FTCD: variants seen among roughly 807,000 people sequenced by gnomAD.
FTCD encodes formimidoyltransferase cyclodeaminase.
A neutral mutation model predicts 62.9 loss-of-function variants in FTCD; 76 were observed. That is an observed-to-expected ratio of 1.21 (90% CI 1.00 to 1.46). FTCD has a LOEUF of 1.46. FTCD is among the 40% of genes most tolerant of loss of function. FTCD has a pLI of 0.00. For missense variants in FTCD, 845 were observed against 751.3 expected (o/e 1.12, Z -1.46); for synonymous variants, 397 against 336.9 (o/e 1.18, Z -1.95).
In FTCD at chr21:46,139,148, G is replaced by A. The variant is rs73908555; in HGVS notation, c.1261-225C>T. 6.3e-3 allele frequency: 3,778 copies of A among 597,806 alleles called. 100 individuals carry two copies. The highest frequency in any genetic ancestry group is 0.059 in the African/African-American group (3,201 of 53,932). 37.0% of individuals were successfully genotyped at this position (597,806 alleles called of 1,614,324 possible). A position where few individuals can be genotyped will look rare whatever the true frequency, so the allele number is the denominator to read the frequency against. ...ACACAGCAGATGGTCAGAGACCCGG[G>A]GATGTGAGAAGCAGGTAGTTCCCTC... On this transcript the variant is annotated intron_variant, in intron 10 of 13. Coordinates refer to ENST00000397746, the MANE Select transcript of FTCD (RefSeq NM_206965.2).
chr21:46,136,491 G>A (rs1331570690), downstream of FTCD: 1 of 1,612,550 alleles, frequency 6.2e-7, no homozygotes, highest in Non-Finnish European at 8.5e-7. Flanking sequence ...TGTCCCTGGG[G>A]TTTCTGTCCC....
intron 7 of FTCD, among the ~76,000 whole-genome samples, 188 bp downstream of exon 7, chr21:46,149,931 T>C (rs1054709810): frequency 6.6e-6 from 1 of 151,924 alleles, no homozygotes; most frequent in African/African-American, 2.4e-5. Flanking sequence ...GAGCATATCA[T>C]AGGTCACAAA....
At chr21:46,136,777 G>C, downstream of FTCD, 1 of 1,515,360 alleles carries the variant, frequency 6.6e-7, no homozygotes, top group South Asian at 1.3e-5. Context: ...ACACAACACA[G>C]GTTTGGTGCC....
In FTCD at chr21:46,146,210, G is replaced by C. The variant is rs1000812210; in HGVS notation, c.968+56C>G. 12 of 1,275,180 alleles carry C rather than the reference G, an allele frequency of 9.4e-6. No homozygotes were observed. In the African/African-American group the frequency reaches 1.8e-4, roughly 19 times the overall value. The allele number at this position is 1,275,180 out of a possible 1,614,324, so 79.0% of individuals were successfully genotyped here. Reference sequence around the variant, plus strand: ...CGCAGGGACCCCAGCGCCCCGCAAGGCCCGAGAGGCAGAGCCCGGGAGGGG... The same window carrying C: ...CGCAGGGACCCCAGCGCCCCGCAAGCCCCGAGAGGCAGAGCCCGGGAGGGG... On this transcript the variant is annotated intron_variant, in intron 8 of 13. Transcript: ENST00000397746.
At position 46,137,832 on chromosome 21, in the gene FTCD, T is replaced by C. The variant is rs536494542; in HGVS notation, c.1444-498A>G. On this transcript the variant is annotated intron_variant, in intron 12 of 13. Coordinates refer to ENST00000397746, the MANE Select transcript of FTCD (RefSeq NM_206965.2). ...GAGAGACGCTCCTTCTCTGGGACCC[T>C]CTGCCCAGCTGTGGCCCCTGTCAGT... Among the ~76,000 whole-genome samples, 24 of 119,554 alleles carry C rather than the reference T, an allele frequency of 2.0e-4. No homozygotes were observed. The Admixed American group carries it at 2.5e-3, about 12-fold the overall frequency. 78.4% of individuals were successfully genotyped at this position (119,554 alleles called of 152,430 possible). A position where few individuals can be genotyped will look rare whatever the true frequency, so the allele number is the denominator to read the frequency against.
chr21:46,136,417 G>A (rs372395637), downstream of FTCD: 41 of 1,611,660 alleles, frequency 2.5e-5, no homozygotes, highest in African/African-American at 5.1e-4. Flanking sequence ...CTGTGGAACT[G>A]TCCAGACCTG....
rs1033001525 is a variant in FTCD, at chr21:46,145,574, G to A, written c.1103C>T (p.Ala368Val). 1.2e-5 allele frequency: 19 copies of A among 1,537,778 alleles called. No homozygotes were observed. The highest frequency in any genetic ancestry group is 9.9e-5 in the East Asian group (4 of 40,554). ...GAGGCCCACCATGGAGCCCAGCGCC[G>A]CACCCTGCGAGAGGGGTGGATGTGG... ...SVAAAAAAMG[A>V]ALGSMVGLMT... Residue 368 changes from alanine (A) to valine (V), a missense_variant, in exon 10 of 14, where the codon GCG becomes GTG. Coordinates refer to ENST00000397746, the MANE Select transcript of FTCD (RefSeq NM_206965.2).
chr21:46,141,835 G>A (rs536921595), intron 10 of FTCD, among the ~76,000 whole-genome samples: 49 of 152,334 alleles, frequency 3.2e-4, no homozygotes, highest in Non-Finnish European at 6.6e-4. Flanking sequence ...CTAAATGTAC[G>A]GAACATGCTT....
At chr21:46,145,072 G>A (rs2079108763) in intron 10 of FTCD, among the ~76,000 whole-genome samples, 1 of 152,136 alleles carries the variant, frequency 6.6e-6, no homozygotes, top group Non-Finnish European at 1.5e-5. Flanking sequence ...GGAATTGCAG[G>A]CTTCTAAAGA....
At chr21:46,138,999 G>A (rs1172238648) in intron 10 of FTCD, 76 bp from the exon 11 acceptor site, 21 of 1,116,530 alleles carry the variant, frequency 1.9e-5, no homozygotes, top group Non-Finnish European at 2.9e-5. Flanking sequence ...CCCACAAGGG[G>A]CTGTAGCAAG....
Position 46,137,012 on chromosome 21 carries a change from T to C in FTCD, c.1601A>G (p.Asp534Gly), listed in dbSNP as rs144456078. Residue 534 changes from aspartate (D) to glycine (G), a missense_variant, in exon 14 of 14, where the codon GAC becomes GGC. Asp to Gly is a moderately conservative substitution (Grantham distance 94). Coordinates refer to ENST00000397746, the MANE Select transcript of FTCD (RefSeq NM_206965.2). ...TCACTCCTGCCGGGTCTCCAAGCAGTCCAGCACCAGTGCAGCCTGGGTCTT... is the reference window on the plus strand; with the variant it reads ...TCACTCCTGCCGGGTCTCCAAGCAGCCCAGCACCAGTGCAGCCTGGGTCTT... ...EAKTQAALVLDCLETRQE is the reference protein window; with the variant it reads ...EAKTQAALVLGCLETRQE 18 of 1,613,414 alleles carry C rather than the reference T, an allele frequency of 1.1e-5. No homozygotes were observed. Among genetic ancestry groups the C allele is most frequent in the East Asian group, 1.1e-4 (5 of 44,862 alleles).
downstream of FTCD, chr21:46,136,710 T>C (rs2078874121): frequency 2.7e-6 from 4 of 1,474,324 alleles, no homozygotes; most frequent in Admixed American, 4.7e-5. Flanking sequence ...CCATATGTCC[T>C]GCTCCTGCCC....
Position 46,154,231 on chromosome 21 carries a change from C to T in FTCD, c.156G>A (p.Val52=), listed in dbSNP as rs554916464. 6.2e-7 allele frequency: 1 copy of T among 1,612,726 alleles called. No individual in the cohort carries two copies. Among genetic ancestry groups the T allele is most frequent in the African/African-American group, 1.3e-5 (1 of 74,948 alleles). The part of the protein sequence containing the change: ...PSTNRTVYTF[V]GPPECVVEGA... Reference sequence around the variant, plus strand: ...CCTCCACCACGCACTCCGGCGGCCCCACGAAGGTGTACACGGTGCGGTTGG... The same window carrying T: ...CCTCCACCACGCACTCCGGCGGCCCTACGAAGGTGTACACGGTGCGGTTGG... The change falls in exon 2 of 14, where the codon GTG becomes GTA. Residue 52 remains valine, a synonymous_variant. Coordinates refer to ENST00000397746, the MANE Select transcript of FTCD (RefSeq NM_206965.2).
chr21:46,145,901 A>T lies in FTCD; in HGVS notation c.1015T>A (p.Ser339Thr), dbSNP rs1195012799. 8 of 1,488,498 alleles carry T rather than the reference A, an allele frequency of 5.4e-6. No individual in the cohort carries two copies. The Admixed American group carries it at 1.3e-4, about 24-fold the overall frequency. 92.2% of individuals were successfully genotyped at this position (1,488,498 alleles called of 1,614,324 possible). A position where few individuals can be genotyped will look rare whatever the true frequency, so the allele number is the denominator to read the frequency against. Residue 339 changes from serine (S) to threonine (T), a missense_variant, in exon 9 of 14, where the codon TCC (serine) becomes ACC (threonine). Coordinates refer to ENST00000397746, the MANE Select transcript of FTCD (RefSeq NM_206965.2). ...ACCTCCCCCACGAAGGCGCGCAGGGACTTGCTGCCCAGGCCTCGCTCAGGC... is the reference window on the plus strand; with the variant it reads ...ACCTCCCCCACGAAGGCGCGCAGGGTCTTGCTGCCCAGGCCTCGCTCAGGC... ...RGPERGLGSK[S>T]LRAFVGEVGA...
At chr21:46,136,691 G>T, downstream of FTCD, 1 of 1,465,142 alleles carries the variant, frequency 6.8e-7, no homozygotes. Flanking sequence ...GGCTCCCATG[G>T]GCCACTGACC....
At chr21:46,147,935 T>C (rs1601331732) in intron 7 of FTCD, among the ~76,000 whole-genome samples, 4 of 111,510 alleles carry the variant, frequency 3.6e-5, no homozygotes, top group African/African-American at 1.4e-4. Flanking sequence ...AAAGTGAGGC[T>C]CCATCTCAAA....
At chr21:46,143,517 T>G (rs1017729876) in intron 10 of FTCD, among the ~76,000 whole-genome samples, 1 of 152,246 alleles carries the variant, frequency 6.6e-6, no homozygotes, top group Non-Finnish European at 1.5e-5. Flanking sequence ...TAATTATTAA[T>G]CATTAGTTTG....
At chr21:46,136,454 C>T, downstream of FTCD, 1 of 1,612,640 alleles carries the variant, frequency 6.2e-7, no homozygotes, top group South Asian at 1.1e-5. Context: ...GGAAGCGAGG[C>T]TATCCTTCCA....
chr21:46,147,892 G>A (rs1210909276), intron 7 of FTCD, among the ~76,000 whole-genome samples: 1 of 148,078 alleles, frequency 6.8e-6, no homozygotes, highest in Non-Finnish European at 1.5e-5. Context: ...GCAGTGAGCC[G>A]AGATCACACC....
Sources: gnomAD v4.1 joint callset for allele counts (sites outside exome capture counted in the v4.1 genomes callset) on GRCh38, gnomAD v4.1.1 for gene constraint, MANE v1.5 for transcripts, NCBI Gene and HGNC (gene_info 2026-07-23, HGNC 2026-07-21) for gene names.